Variants in C8orf34 observed in about 807,000 individuals in gnomAD.
C8orf34 encodes uncharacterized protein C8orf34.
In C8orf34, 65 loss-of-function variants were observed where a neutral mutation model predicts 68.3. That is an observed-to-expected ratio of 0.95 (90% CI 0.78 to 1.17). C8orf34 has a LOEUF of 1.17. Among genes scored for constraint, C8orf34 ranks in the 50% most tolerant of loss-of-function variants. The pLI, the probability that C8orf34 is intolerant of heterozygous loss-of-function variation, is 0.00. For synonymous variants in C8orf34, 244 were observed against 241.2 expected (o/e 1.01, Z -0.11); for missense variants, 664 against 655.4 (o/e 1.01, Z -0.14).
At chr8:68,728,568 G>A (rs1821897709) in intron 10 of C8orf34, among the ~76,000 whole-genome samples, 1 of 152,214 alleles carries the variant, frequency 6.6e-6, no homozygotes. Flanking sequence ...ATAGCAGGTG[G>A]TGAAATACAC....
intron 7 of C8orf34, among the ~76,000 whole-genome samples, chr8:68,570,237 T>C (rs1398716952): frequency 6.6e-6 from 1 of 152,212 alleles, no homozygotes; most frequent in East Asian, 1.9e-4. Context: ...AGTTTGGGGA[T>C]AATCTTCGTT....
At chr8:68,468,470 C>G (rs1375096237) in intron 3 of C8orf34, among the ~76,000 whole-genome samples, 1 of 151,904 alleles carries the variant, frequency 6.6e-6, no homozygotes, top group African/African-American at 2.4e-5. Context: ...TTTCTTTTTT[C>G]TATAAACTCC....
intron 8 of C8orf34, among the ~76,000 whole-genome samples, chr8:68,671,817 A>G (rs766871): frequency 0.42 from 63,501 of 151,930 alleles, 13,546 homozygotes; most frequent in East Asian, 0.57. Flanking sequence ...GGGGCTTCTA[A>G]AGAACTATTT....
chr8:68,731,533 A>T (rs1041709875), intron 10 of C8orf34, among the ~76,000 whole-genome samples: 2 of 152,218 alleles, frequency 1.3e-5, no homozygotes, highest in Non-Finnish European at 2.9e-5. Context: ...TTTAAAATTG[A>T]ATATGAAAAG....
At chr8:68,643,293 G>A (rs563401409) in intron 8 of C8orf34, among the ~76,000 whole-genome samples, 5 of 152,050 alleles carry the variant, frequency 3.3e-5, no homozygotes, top group African/African-American at 9.7e-5. Context: ...TGCAAGTAAG[G>A]CATTTAAAAT....
intron 10 of C8orf34, among the ~76,000 whole-genome samples, chr8:68,768,908 A>G (rs1002683096): frequency 6.6e-6 from 1 of 151,906 alleles, no homozygotes; most frequent in Non-Finnish European, 1.5e-5. Flanking sequence ...TAGTATCTTA[A>G]GTATATTACT....
At chr8:68,747,614 A>G (rs1027130070) in intron 10 of C8orf34, among the ~76,000 whole-genome samples, 1 of 151,936 alleles carries the variant, frequency 6.6e-6, no homozygotes, top group Non-Finnish European at 1.5e-5. Flanking sequence ...GAACCAAATT[A>G]TGAGGGAACT....
At chr8:68,629,811 ATGTG>A (rs1329226979) in intron 7 of C8orf34, among the ~76,000 whole-genome samples, 5 of 151,932 alleles carry the variant, frequency 3.3e-5, no homozygotes, top group African/African-American at 4.8e-5. Context: ...AAGTGAGTGC[ATGTG>A]TGTATGTGTG....
intron 7 of C8orf34, among the ~76,000 whole-genome samples, chr8:68,615,456 TACGTCC>T (rs1455094055): frequency 3.9e-5 from 6 of 151,924 alleles, no homozygotes; most frequent in Non-Finnish European, 2.9e-5. Context: ...TATTTTGAGA[TACGTCC>T]CATCAATACC....
At chr8:68,713,330 G>C (rs1295840010) in intron 9 of C8orf34, among the ~76,000 whole-genome samples, 1 of 150,856 alleles carries the variant, frequency 6.6e-6, no homozygotes, top group African/African-American at 2.5e-5. Flanking sequence ...GATCAGAGGA[G>C]AACTAAAACA....
At chr8:68,379,280 C>T (rs949779712) in intron 1 of C8orf34, among the ~76,000 whole-genome samples, 1 of 152,128 alleles carries the variant, frequency 6.6e-6, no homozygotes, top group African/African-American at 2.4e-5. Context: ...TTAAGAAATT[C>T]CAGTGTTACT....
intron 5 of C8orf34, among the ~76,000 whole-genome samples, chr8:68,504,552 C>G (rs1813919890): frequency 1.3e-5 from 2 of 152,244 alleles, no homozygotes; most frequent in Admixed American, 6.5e-5. Context: ...GACAGTCTTG[C>G]TCTGTCACCC....
chr8:68,744,045 G>A (rs1440962654), intron 10 of C8orf34, among the ~76,000 whole-genome samples: 1 of 152,170 alleles, frequency 6.6e-6, no homozygotes. Context: ...CTGAGAACGG[G>A]CAGACTGCCT....
intron 10 of C8orf34, among the ~76,000 whole-genome samples, chr8:68,755,651 T>C (rs1822833177): frequency 6.6e-6 from 1 of 152,202 alleles, no homozygotes; most frequent in Non-Finnish European, 1.5e-5. Context: ...CCTTGCCTTC[T>C]CTTGTGTAGA....
chr8:68,523,051 T>A (rs1301741654), intron 6 of C8orf34, among the ~76,000 whole-genome samples: 1 of 152,214 alleles, frequency 6.6e-6, no homozygotes, highest in Non-Finnish European at 1.5e-5. Flanking sequence ...ATTAATGTGC[T>A]TCAGGCCTAC....
At chr8:68,775,187 T>C (rs1293674455) in intron 10 of C8orf34, among the ~76,000 whole-genome samples, 1 of 151,976 alleles carries the variant, frequency 6.6e-6, no homozygotes, top group African/African-American at 2.4e-5. Context: ...TCCCCAAGTA[T>C]TAAATTGGCG....
At chr8:68,817,125 G>T (rs1824843194) in intron 13 of C8orf34, among the ~76,000 whole-genome samples, 1 of 152,132 alleles carries the variant, frequency 6.6e-6, no homozygotes, top group Non-Finnish European at 1.5e-5. Context: ...ATTATCATGG[G>T]TGATACAGCA....
intron 10 of C8orf34, among the ~76,000 whole-genome samples, chr8:68,762,526 A>C (rs1475543754): frequency 6.6e-6 from 1 of 152,204 alleles, no homozygotes; most frequent in Non-Finnish European, 1.5e-5. Flanking sequence ...TCTGGCTTTT[A>C]GATTCCCAGA....
chr8:68,614,136 G>T (rs1232353772), intron 7 of C8orf34, among the ~76,000 whole-genome samples: 4 of 151,970 alleles, frequency 2.6e-5, no homozygotes, highest in Non-Finnish European at 5.9e-5. Context: ...TGATGGGATT[G>T]TTTGTTTTTT....
Sources: allele counts gnomAD v4.1 joint callset (sites outside exome capture counted in the v4.1 genomes callset), GRCh38; gene constraint gnomAD v4.1.1; transcripts MANE v1.5; gene names NCBI Gene and HGNC (gene_info 2026-07-23, HGNC 2026-07-21).